Variants in NUP50 observed in about 807,000 individuals in gnomAD.
The protein encoded by NUP50 is nuclear pore complex protein Nup50.
A neutral mutation model predicts 36.8 loss-of-function variants in NUP50; 14 were observed. The observed-to-expected ratio is 0.38, with a 90% confidence interval of 0.25 to 0.59. The LOEUF (loss-of-function observed/expected upper bound fraction) is 0.59. Among genes scored for constraint, NUP50 ranks in the 20% least tolerant of loss-of-function variants. The probability of loss-of-function intolerance (pLI) is 0.63; values close to 1 mark genes in which losing one functional copy is unlikely to be tolerated. For synonymous variants in NUP50, 195 were observed against 210.8 expected (o/e 0.93, Z 0.65); for missense variants, 455 against 564.6 (o/e 0.81, Z 1.97).
chr22:45,168,201 G>A lies in NUP50; in HGVS notation c.24G>A (p.Lys8=), dbSNP rs781535175. 1.2e-6 allele frequency: 2 copies of A among 1,611,936 alleles called. No individual in the cohort carries two copies. The highest frequency in any genetic ancestry group is 1.7e-5 in the Admixed American group (1 of 59,544). MAKRNAE[K]ELTDRNWDQE... is the part of the protein sequence containing the mutation. Reference sequence around the variant, plus strand: ...ACATGGCCAAAAGAAATGCCGAGAAGGAACTGACAGATAGGAATTGGGATC... The same window carrying A: ...ACATGGCCAAAAGAAATGCCGAGAAAGAACTGACAGATAGGAATTGGGATC... The change falls in exon 2 of 8, where the codon AAG becomes AAA. Residue 8 remains lysine (K), a synonymous_variant. Transcript: ENST00000347635.
At chr22:45,176,397 GAA>G (rs1284817735) in intron 4 of NUP50, among the ~76,000 whole-genome samples, 1 of 152,318 alleles carries the variant, frequency 6.6e-6, no homozygotes. Context: ...AGTCGAGAGA[GAA>G]AAGAAAATGC....
intron 3 of NUP50, chr22:45,171,949 G>A (rs1248490873): frequency 1.4e-5 from 5 of 365,900 alleles, no homozygotes; most frequent in Non-Finnish European, 2.5e-5. Flanking sequence ...GCAATACAGA[G>A]GTGGGCGAAG....
At chr22:45,174,258 A>G (rs1601776647) in intron 3 of NUP50, among the ~76,000 whole-genome samples, 1 of 151,334 alleles carries the variant, frequency 6.6e-6, no homozygotes, top group South Asian at 2.1e-4. Context: ...ACTCTCTGCA[A>G]CCGCCGCCTC....
rs2074052155 is a variant in NUP50, at chr22:45,163,930, C to A, written c.-377C>A. Reference sequence around the variant, plus strand: ...GAGGTGCTACTGCCGGAAGCGCCGGCGCGCTTGCGCAGTAGCTGAACGCGG... The same window carrying A: ...GAGGTGCTACTGCCGGAAGCGCCGGAGCGCTTGCGCAGTAGCTGAACGCGG... On this transcript the variant is annotated 5_prime_UTR_variant, in exon 1 of 8. Transcript: ENST00000347635. 1 of 152,254 alleles carries A rather than the reference C, an allele frequency of 6.6e-6. No homozygotes were observed. The highest frequency in any genetic ancestry group is 2.4e-5 in the African/African-American group (1 of 41,472). The allele number at this position is 152,254 out of a possible 1,614,324, so 9.4% of individuals were successfully genotyped here. A position where few individuals can be genotyped will look rare whatever the true frequency, so the allele number is the denominator to read the frequency against.
chr22:45,174,527 T>C (rs186028088), intron 3 of NUP50, among the ~76,000 whole-genome samples: 181 of 152,332 alleles, frequency 1.2e-3, no homozygotes, highest in Non-Finnish European at 1.9e-3. Context: ...TGAATATCTT[T>C]TTTTTGTTTA....
rs575776168 is a variant in NUP50 at position 45,186,004 on chromosome 22, A to G, written c.*1349A>G. The G allele has an allele frequency of 6.6e-6, 1 of 152,376 alleles. No individual in the cohort carries two copies. The highest frequency in any genetic ancestry group is 2.4e-5 in the African/African-American group (1 of 41,582). The allele number at this position is 152,376 out of a possible 1,614,324, so 9.4% of individuals were successfully genotyped here. On this transcript the variant is annotated 3_prime_UTR_variant, in exon 8 of 8. Coordinates refer to ENST00000347635, the MANE Select transcript of NUP50 (RefSeq NM_007172.4). Reference sequence around the variant, plus strand: ...CCATTTAGAAAAGAGTGGTCAGAATAATTGTGGACGGTACAGTGGCTTTTT... The same window carrying G: ...CCATTTAGAAAAGAGTGGTCAGAATGATTGTGGACGGTACAGTGGCTTTTT...
At chr22:45,180,487 C>T (rs1332090840) in intron 5 of NUP50, among the ~76,000 whole-genome samples, 1 of 152,196 alleles carries the variant, frequency 6.6e-6, no homozygotes, top group Non-Finnish European at 1.5e-5. Flanking sequence ...AATCCTCCCA[C>T]TTCAGTCTGC....
intron 5 of NUP50, among the ~76,000 whole-genome samples, chr22:45,180,959 G>A (rs1305527185): frequency 6.6e-6 from 1 of 151,702 alleles, no homozygotes; most frequent in African/African-American, 2.4e-5. Context: ...TTTTCCAGTG[G>A]GTAATTTGCA....
Position 45,168,655 on chromosome 22 carries a change from C to A in NUP50, c.69+409C>A, listed in dbSNP as rs115125381. 3.5e-3 allele frequency among the ~76,000 whole-genome samples: 527 copies of A among 152,242 alleles called. 4 individuals carry two copies. Among genetic ancestry groups the A allele is most frequent in the African/African-American group, 0.011 (443 of 41,520 alleles). On this transcript the variant is annotated intron_variant, in intron 2 of 7. Coordinates refer to ENST00000347635, the MANE Select transcript of NUP50 (RefSeq NM_007172.4). ...ACTGCCCAGATGTGAAAGTGGTACA[C>A]CATCACCATCTTGGTCTGTGGTACT...
At chr22:45,171,429 CCTTT>C (rs2074192349) in intron 2 of NUP50, among the ~76,000 whole-genome samples, 167 bp from the exon 3 acceptor site, 1 of 152,180 alleles carries the variant, frequency 6.6e-6, no homozygotes, top group Non-Finnish European at 1.5e-5. Flanking sequence ...AAACTCCTGA[CCTTT>C]GGCCTCCCAA....
At chr22:45,176,817 A>C (rs1601780487) in intron 4 of NUP50, among the ~76,000 whole-genome samples, 1 of 152,228 alleles carries the variant, frequency 6.6e-6, no homozygotes, top group East Asian at 1.9e-4. Flanking sequence ...ACCTCTGCTC[A>C]CTGCAGCCTC....
intron 3 of NUP50, 23 bp downstream of exon 3, chr22:45,171,706 T>TA (rs760907716): frequency 4.4e-6 from 7 of 1,589,538 alleles, no homozygotes; most frequent in Non-Finnish European, 6.0e-6. Flanking sequence ...TTACAGCTCT[T>TA]GCTATTAAAT....
chr22:45,164,609 G>C (rs1408897339), intron 1 of NUP50: 1 of 153,216 alleles, frequency 6.5e-6, no homozygotes, highest in Non-Finnish European at 1.5e-5. Flanking sequence ...GCACGGGCCG[G>C]GCGGGGCGCG....
At chr22:45,168,343 C>T in intron 2 of NUP50, 97 bp downstream of exon 2, 1 of 841,782 alleles carries the variant, frequency 1.2e-6, no homozygotes, top group Non-Finnish European at 1.9e-6. Flanking sequence ...AACTAAAAGA[C>T]CTTTCTAAGA....
intron 1 of NUP50, among the ~76,000 whole-genome samples, chr22:45,165,162 T>C (rs1171328743): frequency 6.6e-6 from 1 of 152,212 alleles, no homozygotes; most frequent in Non-Finnish European, 1.5e-5. Context: ...ACTTTCAGTC[T>C]CCCACCACGT....
intron 4 of NUP50, among the ~76,000 whole-genome samples, chr22:45,176,965 C>T (rs2074286122): frequency 6.6e-6 from 1 of 152,130 alleles, no homozygotes; most frequent in Non-Finnish European, 1.5e-5. Context: ...TGGTCTTGAT[C>T]TCTTGACCTT....
At chr22:45,179,495 T>C in intron 5 of NUP50, among the ~76,000 whole-genome samples, 1 of 152,206 alleles carries the variant, frequency 6.6e-6, no homozygotes, top group East Asian at 1.9e-4. Context: ...TCCAGACCTC[T>C]GTTGTTAGCT....
chr22:45,167,226 A>G (rs2074108227), intron 1 of NUP50, among the ~76,000 whole-genome samples: 1 of 152,178 alleles, frequency 6.6e-6, no homozygotes, highest in South Asian at 2.1e-4. Context: ...CCCAAAACTA[A>G]TCAGTAAGTT....
intron 1 of NUP50, among the ~76,000 whole-genome samples, chr22:45,167,326 G>T (rs535116157): frequency 6.6e-6 from 1 of 152,194 alleles, no homozygotes; most frequent in African/African-American, 2.4e-5. Flanking sequence ...TCATAGCGGA[G>T]CTCTGGGTTG....
Sources: allele counts gnomAD v4.1 joint callset (sites outside exome capture counted in the v4.1 genomes callset), GRCh38; gene constraint gnomAD v4.1.1; transcripts MANE v1.5; gene names NCBI Gene and HGNC (gene_info 2026-07-23, HGNC 2026-07-21).